Variants in SLC44A1 observed in about 807,000 individuals in gnomAD.
The protein encoded by SLC44A1 is choline transporter-like protein 1.
A neutral mutation model predicts 79.3 loss-of-function variants in SLC44A1; 26 were observed. The ratio of observed to expected loss-of-function variants is 0.33; its 90% confidence interval spans 0.24 to 0.46. SLC44A1 has a LOEUF of 0.46. Ranked by LOEUF, SLC44A1 falls within the 20% of genes least tolerant of loss-of-function variation. The pLI is 1.00. For synonymous variants in SLC44A1, 263 were observed against 286.2 expected (o/e 0.92, Z 0.82); for missense variants, 688 against 798.1 (o/e 0.86, Z 1.66).
chr9:105,389,597 A>G lies in SLC44A1; in HGVS notation c.*541A>G, dbSNP rs887838665. ...CCAATCAAAGAAGCCATGTCATTTT[A>G]CTTTTAGAAACATACAATTGGGCCC... On this transcript the variant is annotated 3_prime_UTR_variant, in exon 16 of 16. Transcript: ENST00000374720. 50 of 1,151,322 alleles carry G rather than the reference A, an allele frequency of 4.3e-5. No homozygotes were observed. Among genetic ancestry groups the G allele is most frequent in the Non-Finnish European group, 5.2e-5 (49 of 936,870 alleles). The allele number at this position is 1,151,322 out of a possible 1,614,324, so 71.3% of individuals were successfully genotyped here.
At chr9:105,424,551 AACTTT>A (rs1283677797) in intron 15 of SLC44A1, among the ~76,000 whole-genome samples, 1 of 152,222 alleles carries the variant, frequency 6.6e-6, no homozygotes, top group African/African-American at 2.4e-5. Context: ...CATACTAACT[AACTTT>A]CTCAGTCCCA....
chr9:105,397,949 G>C (rs1386570899), downstream of SLC44A1, among the ~76,000 whole-genome samples: 4 of 148,684 alleles, frequency 2.7e-5, no homozygotes, highest in East Asian at 7.8e-4. Context: ...CTCGGTCTCA[G>C]AAAAAAAAAA....
In SLC44A1 at chr9:105,393,218, T is replaced by C; in HGVS notation, c.*4162T>C. Reference sequence around the variant, plus strand: ...GCCTTTTGCTTTAAATGCATATTCATGTATCTTTGTGTGCTAAGAATGCAT... The same window carrying C: ...GCCTTTTGCTTTAAATGCATATTCACGTATCTTTGTGTGCTAAGAATGCAT... On this transcript the variant is annotated 3_prime_UTR_variant, in exon 16 of 16. Coordinates refer to ENST00000374720, the MANE Select transcript of SLC44A1 (RefSeq NM_080546.5). The C allele has an allele frequency of 4.1e-6, 4 of 985,468 alleles. No homozygotes were observed. The highest frequency in any genetic ancestry group is 4.7e-5 in the South Asian group (1 of 21,290). The allele number at this position is 985,468 out of a possible 1,614,324, so 61.0% of individuals were successfully genotyped here. A position where few individuals can be genotyped will look rare whatever the true frequency, so the allele number is the denominator to read the frequency against.
Position 105,325,793 on chromosome 9 carries a change from C to T in SLC44A1, c.270-9770C>T, listed in dbSNP as rs1826556840. On this transcript the variant is annotated intron_variant, in intron 3 of 15. Transcript: ENST00000374720. Reference sequence around the variant, plus strand: ...AGTAATTCTAATGGATAGGAGGTTTCTTTTGGGGGTGACAAAAGGTTCTAA... The same window carrying T: ...AGTAATTCTAATGGATAGGAGGTTTTTTTTGGGGGTGACAAAAGGTTCTAA... Among the ~76,000 whole-genome samples the T allele has an allele frequency of 2.6e-5, 4 of 152,124 alleles. No homozygotes were observed. The South Asian group carries it at 8.3e-4, about 32-fold the overall frequency.
rs573723640 is a variant in SLC44A1, at chr9:105,383,020, A to C, written c.1633-103A>C. 3.9e-6 allele frequency: 3 copies of C among 769,728 alleles called. No individual in the cohort carries two copies. In the African/African-American group the frequency reaches 5.2e-5, roughly 13 times the overall value. The allele number at this position is 769,728 out of a possible 1,614,324, so 47.7% of individuals were successfully genotyped here. ...ATTTGAGATGGAATGGCCTCATGCAACCATCATTTATAAATAGTAGAATTT... is the reference window on the plus strand; with the variant it reads ...ATTTGAGATGGAATGGCCTCATGCACCCATCATTTATAAATAGTAGAATTT... On this transcript the variant is annotated intron_variant, in intron 13 of 15. Transcript: ENST00000374720.
At chr9:105,264,444 G>A (rs1031046119) in intron 1 of SLC44A1, among the ~76,000 whole-genome samples, 9 of 152,242 alleles carry the variant, frequency 5.9e-5, no homozygotes, top group Non-Finnish European at 1.0e-4. Flanking sequence ...AGGGATTACA[G>A]GCGTGAGCCC....
chr9:105,392,194 T>C lies in SLC44A1; in HGVS notation c.*3138T>C. 1.0e-6 allele frequency: 1 copy of C among 984,660 alleles called. No individual in the cohort carries two copies. Among genetic ancestry groups the C allele is most frequent in the Non-Finnish European group, 1.2e-6 (1 of 829,218 alleles). The allele number at this position is 984,660 out of a possible 1,614,324, so 61.0% of individuals were successfully genotyped here. A position where few individuals can be genotyped will look rare whatever the true frequency, so the allele number is the denominator to read the frequency against. Reference sequence around the variant, plus strand: ...CAAAGCCAGTTGTTCCTTTAAAGCATTTAATGCAATGGCTAATGTTTAGGA... The same window carrying C: ...CAAAGCCAGTTGTTCCTTTAAAGCACTTAATGCAATGGCTAATGTTTAGGA... On this transcript the variant is annotated 3_prime_UTR_variant, in exon 16 of 16. Coordinates refer to ENST00000374720, the MANE Select transcript of SLC44A1 (RefSeq NM_080546.5).
At chr9:105,420,754 G>A (rs938227313) in intron 15 of SLC44A1, among the ~76,000 whole-genome samples, 18 of 151,428 alleles carry the variant, frequency 1.2e-4, no homozygotes, top group Admixed American at 2.0e-4. Context: ...ACAGCTACTC[G>A]GGAGGCTAAG....
chr9:105,274,264 C>T (rs1374636739), intron 1 of SLC44A1, among the ~76,000 whole-genome samples: 1 of 152,178 alleles, frequency 6.6e-6, no homozygotes, highest in Non-Finnish European at 1.5e-5. Flanking sequence ...TCTTTTCTAT[C>T]AGCATTAGAT....
At chr9:105,415,843 C>G (rs1278426388) in intron 15 of SLC44A1, among the ~76,000 whole-genome samples, 1 of 149,758 alleles carries the variant, frequency 6.7e-6, no homozygotes, top group African/African-American at 2.5e-5. Context: ...TCCCGTTTTA[C>G]GTTCATTTGA....
intron 5 of SLC44A1, among the ~76,000 whole-genome samples, chr9:105,351,628 GAAAGAGAAAGAAAGAAAGAAAGAA>G (rs1827437084): frequency 2.3e-4 from 10 of 44,002 alleles, no homozygotes; most frequent in African/African-American, 6.9e-4. Flanking sequence ...GAAAGAGAGA[GAAAGAGAAAGAAAGAAAGAAAGAA>G]AGAAAGAAAG....
chr9:105,330,660 T>C (rs10991628), intron 3 of SLC44A1, among the ~76,000 whole-genome samples: 20,216 of 152,192 alleles, frequency 0.13, 2,689 homozygotes, highest in African/African-American at 0.35. Context: ...GCATCTGTCC[T>C]CCTCGTTCAC....
chr9:105,414,498 A>G (rs1829141966), intron 15 of SLC44A1, among the ~76,000 whole-genome samples: 1 of 152,156 alleles, frequency 6.6e-6, no homozygotes, highest in African/African-American at 2.4e-5. Context: ...GTTGTAATTT[A>G]TTTGTAGCAA....
At chr9:105,251,352 C>T (rs1462130714) in intron 1 of SLC44A1, among the ~76,000 whole-genome samples, 2 of 152,144 alleles carry the variant, frequency 1.3e-5, no homozygotes, top group East Asian at 1.9e-4. Flanking sequence ...ACCTTCTCAA[C>T]GTCACTGCCA....
chr9:105,299,321 C>G lies in SLC44A1; in HGVS notation c.126+12C>G. 6.4e-7 allele frequency: 1 copy of G among 1,555,408 alleles called. No individual in the cohort carries two copies. The highest frequency in any genetic ancestry group is 1.2e-5 in the South Asian group (1 of 81,836). Reference sequence around the variant, plus strand: ...TCTGCATTGGGATGGTAAGGAAACTCTCACAGATGGTCCAAACTGGACTCA... The same window carrying G: ...TCTGCATTGGGATGGTAAGGAAACTGTCACAGATGGTCCAAACTGGACTCA... On this transcript the variant is annotated intron_variant, in intron 2 of 15. Transcript: ENST00000374720.
intron 5 of SLC44A1, among the ~76,000 whole-genome samples, chr9:105,351,983 G>T (rs901096487): frequency 2.0e-5 from 3 of 152,092 alleles, no homozygotes; most frequent in African/African-American, 2.4e-5. Flanking sequence ...AAAGAAGGCC[G>T]GGCACAGTGG....
At chr9:105,303,760 G>A (rs1392476754) in intron 2 of SLC44A1, among the ~76,000 whole-genome samples, 2 of 152,202 alleles carry the variant, frequency 1.3e-5, no homozygotes, top group African/African-American at 2.4e-5. Context: ...AACAGAAAAA[G>A]TTGTTCAGAA....
At chr9:105,304,924 T>G (rs1830977544) in intron 2 of SLC44A1, among the ~76,000 whole-genome samples, 1 of 150,502 alleles carries the variant, frequency 6.6e-6, no homozygotes, top group Admixed American at 6.7e-5. Context: ...ATTGAGTAGT[T>G]ATTCCCTAGA....
intron 3 of SLC44A1, among the ~76,000 whole-genome samples, chr9:105,312,304 G>A (rs912824184): frequency 6.6e-4 from 101 of 152,096 alleles, no homozygotes; most frequent in Non-Finnish European, 3.8e-4. Flanking sequence ...AGGTCTTTTT[G>A]TTCTCATAAT....
Sources: gnomAD v4.1 joint callset for allele counts (sites outside exome capture counted in the v4.1 genomes callset) on GRCh38, gnomAD v4.1.1 for gene constraint, MANE v1.5 for transcripts, NCBI Gene and HGNC (gene_info 2026-07-23, HGNC 2026-07-21) for gene names.